Variants in C14orf132 observed in about 807,000 individuals in gnomAD.
C14orf132 encodes the protein uncharacterized protein C14orf132.
Under a neutral mutation model 5.8 loss-of-function variants are expected in C14orf132, and 6 were observed. The ratio of observed to expected loss-of-function variants is 1.03; its 90% CI spans 0.57 to 2.04. C14orf132 has a LOEUF of 2.04. Ranked by LOEUF, C14orf132 falls within the 30% of genes most tolerant of loss-of-function variation. The pLI is 0.00. For synonymous variants in C14orf132, 51 were observed against 49.8 expected (o/e 1.02, Z -0.10); for missense variants, 125 against 115.8 (o/e 1.08, Z -0.37).
chr14:96,042,889 G>A (rs189827974), intron 1 of C14orf132, among the ~76,000 whole-genome samples: 1 of 152,228 alleles, frequency 6.6e-6, no homozygotes, highest in African/African-American at 2.4e-5. Context: ...AGTGAAAAAG[G>A]CCATTCATTT....
intron 1 of C14orf132, among the ~76,000 whole-genome samples, chr14:96,049,369 CTCGCTCTGT>C (rs755792403): frequency 1.1e-3 from 158 of 149,992 alleles, no homozygotes; most frequent in Non-Finnish European, 1.5e-3. Flanking sequence ...GAGACAGAGT[CTCGCTCTGT>C]CGCCCAGGCT....
chr14:96,067,338 C>G (rs888250727), intron 1 of C14orf132, among the ~76,000 whole-genome samples: 5 of 152,146 alleles, frequency 3.3e-5, no homozygotes, highest in African/African-American at 1.2e-4. Context: ...TCCTTGGGCT[C>G]TGGGTGGGAC....
chr14:96,048,700 GTTT>G (rs1259781721), intron 1 of C14orf132, among the ~76,000 whole-genome samples: 1 of 151,568 alleles, frequency 6.6e-6, no homozygotes, highest in Non-Finnish European at 1.5e-5. Context: ...TAATTTTTGT[GTTT>G]TTAGTGGAGA....
chr14:96,049,579 C>A (rs35492007), intron 1 of C14orf132, among the ~76,000 whole-genome samples: 1 of 98,278 alleles, frequency 1.0e-5, no homozygotes, highest in Non-Finnish European at 2.2e-5. Flanking sequence ...TACATATATA[C>A]GTATATATAT....
At chr14:96,057,874 C>T (rs760606992) in intron 1 of C14orf132, among the ~76,000 whole-genome samples, 23 of 152,166 alleles carry the variant, frequency 1.5e-4, no homozygotes, top group Non-Finnish European at 2.6e-4. Context: ...AATTCCTTCA[C>T]GTCTCTTGGT....
Position 96,090,556 on chromosome 14 carries a change from G to A in C14orf132, c.*3821G>A, listed in dbSNP as rs749679103. ...GGGACCCAGGCAGGATGATGGCGCA[G>A]CTCTTCCTACTCCAAGCCAATGCTG... On this transcript the variant is annotated 3_prime_UTR_variant, in exon 2 of 2. Transcript: ENST00000555004. 2 of 454,628 alleles carry A rather than the reference G, an allele frequency of 4.4e-6. No individual in the cohort carries two copies. The highest frequency in any genetic ancestry group is 2.0e-5 in the African/African-American group (1 of 50,028). The allele number at this position is 454,628 out of a possible 1,614,324, so 28.2% of individuals were successfully genotyped here.
In C14orf132 at chr14:96,090,434, T is replaced by A; in HGVS notation, c.*3699T>A. ...AAGAAAAAAAAAAAGAGCAACTTAC[T>A]GCTTTGTGAGGTTGTGAGTGGCCAC... On this transcript the variant is annotated 3_prime_UTR_variant, in exon 2 of 2. Coordinates refer to ENST00000555004, the MANE Select transcript of C14orf132 (RefSeq NM_001252507.3). The A allele has an allele frequency of 3.6e-6, 1 of 280,796 alleles. No individual in the cohort carries two copies. The highest frequency in any genetic ancestry group is 3.5e-5 in the South Asian group (1 of 28,550). 17.4% of individuals were successfully genotyped at this position (280,796 alleles called of 1,614,324 possible).
rs187918552 is a variant in C14orf132 at position 96,079,834 on chromosome 14, A to T, written c.28-6677A>T. On this transcript the variant is annotated intron_variant, in intron 1 of 1. Transcript: ENST00000555004. The stretch of plus-strand genomic sequence containing the variant: ...CAAAACTGAAGGCGTGGTCCCTTGT[A>T]CAAATTCTGAAATTGCTGCTAGTTT... 3.2e-3 allele frequency among the ~76,000 whole-genome samples: 484 copies of T among 152,344 alleles called. 5 individuals are homozygous for T. Among genetic ancestry groups the T allele is most frequent in the African/African-American group, 0.011 (468 of 41,578 alleles).
At chr14:96,052,471 G>A (rs1165136953) in intron 1 of C14orf132, among the ~76,000 whole-genome samples, 1 of 152,236 alleles carries the variant, frequency 6.6e-6, no homozygotes, top group Non-Finnish European at 1.5e-5. Flanking sequence ...AGGTTCCCTT[G>A]AGGGCCAAGG....
At chr14:96,047,675 A>G (rs578168554) in intron 1 of C14orf132, among the ~76,000 whole-genome samples, 42 of 152,340 alleles carry the variant, frequency 2.8e-4, no homozygotes, top group African/African-American at 9.9e-4. Context: ...GAGGGCACAC[A>G]GCTGGGGATC....
intron 1 of C14orf132, among the ~76,000 whole-genome samples, chr14:96,079,984 A>G (rs571830684): frequency 1.2e-4 from 18 of 152,228 alleles, no homozygotes; most frequent in Non-Finnish European, 2.2e-4. Flanking sequence ...TGTGGGATAT[A>G]CTTATGCTAA....
intron 1 of C14orf132, among the ~76,000 whole-genome samples, chr14:96,040,681 A>G (rs553656147): frequency 9.3e-4 from 142 of 151,966 alleles, no homozygotes; most frequent in Non-Finnish European, 1.5e-3. Flanking sequence ...GGGGGTCTAG[A>G]TCCTGGCTCT....
intron 1 of C14orf132, among the ~76,000 whole-genome samples, chr14:96,079,930 T>A (rs1299121126): frequency 6.6e-6 from 1 of 152,248 alleles, no homozygotes; most frequent in African/African-American, 2.4e-5. Flanking sequence ...CATTGTCAGA[T>A]AAACAACAAA....
At chr14:96,077,110 G>A (rs961723155) in intron 1 of C14orf132, among the ~76,000 whole-genome samples, 9 of 152,164 alleles carry the variant, frequency 5.9e-5, no homozygotes, top group East Asian at 5.8e-4. Context: ...TGAGAAGAAC[G>A]TGCATTCTGT....
intron 1 of C14orf132, among the ~76,000 whole-genome samples, chr14:96,073,280 C>T (rs929510404): frequency 1.3e-5 from 2 of 152,144 alleles, no homozygotes; most frequent in African/African-American, 2.4e-5. Flanking sequence ...ATATATATCT[C>T]TTGTTCAGTG....
intron 1 of C14orf132, among the ~76,000 whole-genome samples, chr14:96,041,474 G>C (rs1322998413): frequency 6.6e-6 from 1 of 152,246 alleles, no homozygotes; most frequent in Non-Finnish European, 1.5e-5. Flanking sequence ...GTACAGGACA[G>C]ATCTATTTCA....
intron 1 of C14orf132, among the ~76,000 whole-genome samples, chr14:96,043,756 T>A (rs1002634704): frequency 6.6e-6 from 1 of 152,172 alleles, no homozygotes; most frequent in African/African-American, 2.4e-5. Context: ...TCCCTGGCTC[T>A]CTGGTCACCC....
chr14:96,049,211 T>G (rs1886923910), intron 1 of C14orf132, among the ~76,000 whole-genome samples: 1 of 152,174 alleles, frequency 6.6e-6, no homozygotes, highest in Admixed American at 6.5e-5. Context: ...GTTTTGGCAA[T>G]TATTAATAAA....
At chr14:96,072,636 C>T (rs1474992708) in intron 1 of C14orf132, among the ~76,000 whole-genome samples, 1 of 152,184 alleles carries the variant, frequency 6.6e-6, no homozygotes, top group East Asian at 1.9e-4. Flanking sequence ...AAAATATCTC[C>T]TCTTGCTGCC....
Sources: allele counts gnomAD v4.1 joint callset (sites outside exome capture counted in the v4.1 genomes callset), GRCh38; gene constraint gnomAD v4.1.1; transcripts MANE v1.5; gene names NCBI Gene and HGNC (gene_info 2026-07-23, HGNC 2026-07-21).